Variants in ITIH6 observed in about 807,000 individuals in gnomAD.
The protein encoded by ITIH6 is inter-alpha-trypsin inhibitor heavy chain family member 6.
In ITIH6, 60 loss-of-function variants were observed where a neutral mutation model predicts 58.2. The observed-to-expected ratio is 1.03, with a 90% CI of 0.84 to 1.28. The LOEUF (loss-of-function observed/expected upper bound fraction) is 1.28. Ranked by LOEUF, ITIH6 falls within the 50% of genes most tolerant of loss-of-function variation. The pLI is 0.00. For missense variants in ITIH6, 1,290 were observed against 1,021.1 expected (o/e 1.26, Z -3.59); for synonymous variants, 493 against 417.4 (o/e 1.18, Z -2.21).
At chrX:54,777,900 G>A (rs533887901) in intron 5 of ITIH6, among the ~76,000 whole-genome samples, 2 of 112,174 alleles carry the variant, frequency 1.8e-5, no homozygotes, top group East Asian at 2.8e-4. Context: ...TCCAGACACA[G>A]AAGAACATCT....
intron 6 of ITIH6, among the ~76,000 whole-genome samples, chrX:54,772,952 G>A: frequency 9.0e-6 from 1 of 111,382 alleles, no homozygotes. Context: ...TGTATTTTTA[G>A]TAGAGACAGG....
rs1180606125 is a variant in ITIH6 at position 54,767,788 on chromosome X, G to C, written c.903+6293C>G. On this transcript the variant is annotated intron_variant, in intron 6 of 12. Transcript: ENST00000218436. ...TTATAATTTCTGTTCTTTTACATTT[G>C]CTGAGGAGAGCTTTACTTCCAACTA... Among the ~76,000 whole-genome samples, 2 of 94,580 alleles carry C rather than the reference G, an allele frequency of 2.1e-5. 1 individual carries two copies. Among genetic ancestry groups the C allele is most frequent in the South Asian group, 1.1e-3 (2 of 1,898 alleles). 82.1% of individuals were successfully genotyped at this position (94,580 alleles called of 115,157 possible). A position where few individuals can be genotyped will look rare whatever the true frequency, so the allele number is the denominator to read the frequency against.
In ITIH6 at chrX:54,758,269, A is replaced by T; in HGVS notation, c.1805T>A (p.Val602Asp). ...VLNLSLEYNF[V>D]TPLTSLVMVQ... ...CATGACCAGTGAAGTCAGAGGTGTG[A>T]CAAAGTTGTATTCAAGGGACAGGTT... Residue 602 changes from valine to aspartate, a missense_variant, in exon 8 of 13, where the codon GTC (valine) becomes GAC (aspartate). By Grantham distance (152) the Val-to-Asp change is radical. Transcript: ENST00000218436. 8.3e-7 allele frequency: 1 copy of T among 1,211,206 alleles called. No individual in the cohort carries two copies. Among genetic ancestry groups the T allele is most frequent in the East Asian group, 3.0e-5 (1 of 33,819 alleles).
chrX:54,791,330 C>T (rs1929345454), intron 3 of ITIH6, among the ~76,000 whole-genome samples: 1 of 108,855 alleles, frequency 9.2e-6, no homozygotes, highest in South Asian at 4.1e-4. Flanking sequence ...AGGTGGTCCA[C>T]CCTTAAGGGA....
At chrX:54,754,447 C>T (rs866997619) in intron 9 of ITIH6, among the ~76,000 whole-genome samples, 1 of 111,929 alleles carries the variant, frequency 8.9e-6, no homozygotes. Flanking sequence ...CAGGTGGGGC[C>T]TGACCTAATC....
intron 6 of ITIH6, among the ~76,000 whole-genome samples, chrX:54,762,332 T>G (rs1423308301): frequency 9.0e-6 from 1 of 111,490 alleles, no homozygotes; most frequent in Admixed American, 9.6e-5. Context: ...CTTAAGGAGA[T>G]TTTGGGCTAA....
intron 6 of ITIH6, among the ~76,000 whole-genome samples, chrX:54,771,622 A>G (rs1176971487): frequency 8.9e-6 from 1 of 111,981 alleles, no homozygotes; most frequent in Non-Finnish European, 1.9e-5. Flanking sequence ...TGCCCACAGC[A>G]TATTAATCAT....
At chrX:54,795,314 T>C (rs1929421006) in intron 2 of ITIH6, among the ~76,000 whole-genome samples, 1 of 112,588 alleles carries the variant, frequency 8.9e-6, no homozygotes, top group Admixed American at 9.4e-5. Flanking sequence ...CCTTATCCTT[T>C]AGGGATTAAT....
chrX:54,784,439 C>A (rs1330120709), intron 5 of ITIH6, among the ~76,000 whole-genome samples: 3 of 111,377 alleles, frequency 2.7e-5, no homozygotes, highest in Non-Finnish European at 5.7e-5. Flanking sequence ...GCAAACTACC[C>A]ATTTCACAAG....
In ITIH6 at chrX:54,749,706, C is replaced by T. The variant is rs1484211850; in HGVS notation, c.*189G>A. 1 of 396,027 alleles carries T rather than the reference C, an allele frequency of 2.5e-6. No individual in the cohort carries two copies. 32.6% of individuals were successfully genotyped at this position (396,027 alleles called of 1,213,427 possible). A position where few individuals can be genotyped will look rare whatever the true frequency, so the allele number is the denominator to read the frequency against. On this transcript the variant is annotated 3_prime_UTR_variant, in exon 13 of 13. Coordinates refer to ENST00000218436, the MANE Select transcript of ITIH6 (RefSeq NM_198510.3). Reference sequence around the variant, plus strand: ...TGAAGGACCATGAAGATGCAGGAGTCCCTGACTCTATGTCTCTGCATGTCT... The same window carrying T: ...TGAAGGACCATGAAGATGCAGGAGTTCCTGACTCTATGTCTCTGCATGTCT...
chrX:54,761,220 G>C (rs1453034016), intron 6 of ITIH6, among the ~76,000 whole-genome samples: 1 of 112,232 alleles, frequency 8.9e-6, no homozygotes, highest in Non-Finnish European at 1.9e-5. Flanking sequence ...ATGTCTGTTG[G>C]CTGCATAAAT....
At chrX:54,752,239 G>C (rs1317114338) in intron 11 of ITIH6, among the ~76,000 whole-genome samples, 2 of 111,896 alleles carry the variant, frequency 1.8e-5, no homozygotes, top group Non-Finnish European at 3.8e-5. Flanking sequence ...TTACAACACG[G>C]ATGAACCAGA....
Position 54,757,745 on chromosome X carries a change from TCA to T in ITIH6, c.2327_2328del (p.Val776GlufsTer27), listed in dbSNP as rs772019693. 8.3e-7 allele frequency: 1 copy of T among 1,209,627 alleles called. No individual in the cohort carries two copies. The highest frequency in any genetic ancestry group is 1.8e-5 in the African/African-American group (1 of 56,994). ...GIPASPKADT[V>X]KCVTPLHSKP... Reference sequence around the variant, plus strand: ...TTGGAATGCAGTGGAGTAACACATTTCACAGTGTCAGCTTTGGGCGAGGCTGG... The same window carrying T: ...TTGGAATGCAGTGGAGTAACACATTTCAGTGTCAGCTTTGGGCGAGGCTGG... On this transcript the variant is annotated frameshift_variant, in exon 8 of 13. Transcript: ENST00000218436. LOFTEE classifies it high-confidence loss of function.
chrX:54,771,562 G>T (rs1183169685), intron 6 of ITIH6, among the ~76,000 whole-genome samples: 1 of 111,227 alleles, frequency 9.0e-6, no homozygotes, highest in Non-Finnish European at 1.9e-5. Flanking sequence ...TCATGTCTCT[G>T]CTTACATTAC....
intron 8 of ITIH6, 41 bp from the exon 9 acceptor site, chrX:54,755,150 A>G: frequency 2.7e-6 from 3 of 1,103,696 alleles, no homozygotes; most frequent in Middle Eastern, 2.6e-4. Flanking sequence ...TTCAAATTCC[A>G]GGGGCAAAGT....
chrX:54,785,051 A>G (rs1379146366), intron 5 of ITIH6, among the ~76,000 whole-genome samples: 1 of 111,541 alleles, frequency 9.0e-6, no homozygotes, highest in East Asian at 2.8e-4. Flanking sequence ...CAACAACATG[A>G]ATGGAACTGG....
chrX:54,759,899 C>A lies in ITIH6; in HGVS notation c.932G>T (p.Ser311Ile), dbSNP rs1221784683. 1 of 1,209,496 alleles carries A rather than the reference C, an allele frequency of 8.3e-7. No homozygotes were observed. The highest frequency in any genetic ancestry group is 3.0e-5 in the East Asian group (1 of 33,847). The change falls in exon 7 of 13, where the codon AGT (serine) becomes ATT (isoleucine). Residue 311 changes from serine (S) to isoleucine (I), a missense_variant. Coordinates refer to ENST00000218436, the MANE Select transcript of ITIH6 (RefSeq NM_198510.3). ...QTKTAMNVIL[S>I]DLQANDYFNI... ...GAAGTAGTCATTGGCTTGAAGGTCA[C>A]TGAGGATCACATTCATGGCCGTTTT...
intron 11 of ITIH6, among the ~76,000 whole-genome samples, chrX:54,753,191 T>TA (rs1237180984): frequency 1.8e-5 from 2 of 112,781 alleles, no homozygotes; most frequent in African/African-American, 6.4e-5. Context: ...TTCCTAATCT[T>TA]AAAAAATCTT....
At position 54,798,155 on chromosome X, in the gene ITIH6, T is replaced by C; in HGVS notation, c.56A>G (p.Glu19Gly). ...GACAGGGGGTCCCTGGTATGTCAGT[T>C]CAAGAAGAATGGTCAGCAAAAAGCT... ...CVSFLLTILL[E>G]LTYQGPPVPA... The change falls in exon 1 of 13, where the codon GAA becomes GGA. Residue 19 changes from glutamate (E) to glycine (G), a missense_variant. By Grantham distance (98) the Glu-to-Gly change is moderately conservative. Coordinates refer to ENST00000218436, the MANE Select transcript of ITIH6 (RefSeq NM_198510.3). 8.4e-7 allele frequency: 1 copy of C among 1,192,361 alleles called. No homozygotes were observed.
Sources: allele counts gnomAD v4.1 joint callset (sites outside exome capture counted in the v4.1 genomes callset), GRCh38; gene constraint gnomAD v4.1.1; transcripts MANE v1.5; gene names NCBI Gene and HGNC (gene_info 2026-07-23, HGNC 2026-07-21).